Variants in RTN1 observed in about 807,000 individuals in gnomAD.
The protein encoded by RTN1 is reticulon-1.
In RTN1, 25 loss-of-function variants were observed where a neutral mutation model predicts 65.5. That is an observed-to-expected ratio of 0.38 (90% CI 0.28 to 0.53). The LOEUF is 0.53. Among genes scored for constraint, RTN1 ranks in the 20% least tolerant of loss-of-function variants. The pLI, the probability that RTN1 is intolerant of heterozygous loss-of-function variation, is 0.79. For synonymous variants in RTN1, 471 were observed against 447.6 expected (o/e 1.05, Z -0.66); for missense variants, 983 against 1,025.4 (o/e 0.96, Z 0.57).
At chr14:59,720,279 A>G (rs1159394395) in intron 3 of RTN1, among the ~76,000 whole-genome samples, 1 of 152,130 alleles carries the variant, frequency 6.6e-6, no homozygotes, top group Admixed American at 6.5e-5. Flanking sequence ...TCGATATGCA[A>G]TTGGAACACT....
Position 59,870,051 on chromosome 14 carries a change from C to G in RTN1, c.241+339G>C, listed in dbSNP as rs560847912. On this transcript the variant is annotated intron_variant, in intron 1 of 8. Coordinates refer to ENST00000267484, the MANE Select transcript of RTN1 (RefSeq NM_021136.3). This position sits in a 1 kb window ranked among gnomAD's most constrained non-coding sequence, Gnocchi z 5.1. ...AACCTGTCAAACGGGCCCTACAGCT[C>G]GGAGCCTCCTGGCAGGAGGGAGAAA... Among the ~76,000 whole-genome samples, 66 of 152,290 alleles carry G rather than the reference C, an allele frequency of 4.3e-4. No homozygotes were observed. The highest frequency in any genetic ancestry group is 1.8e-3 in the Admixed American group (28 of 15,304).
chr14:59,692,162 G>A (rs763165635), intron 3 of RTN1, among the ~76,000 whole-genome samples: 5 of 152,126 alleles, frequency 3.3e-5, no homozygotes, highest in Non-Finnish European at 5.9e-5. Context: ...TAGACAATAT[G>A]ATTCCATACC....
intron 3 of RTN1, among the ~76,000 whole-genome samples, chr14:59,661,718 A>C (rs1428946277): frequency 6.6e-6 from 1 of 152,094 alleles, no homozygotes; most frequent in African/African-American, 2.4e-5. Context: ...CATGCTAAAA[A>C]CTCTCAATAA....
intron 8 of RTN1, among the ~76,000 whole-genome samples, chr14:59,599,285 A>G (rs1365331094): frequency 6.6e-6 from 1 of 152,148 alleles, no homozygotes; most frequent in Non-Finnish European, 1.5e-5. Flanking sequence ...ATTTCATTTT[A>G]TTGATTTCAA....
rs559027191 is a variant in RTN1 at position 59,779,323 on chromosome 14, T to C, written c.242-32842A>G. On this transcript the variant is annotated intron_variant, in intron 1 of 8. Coordinates refer to ENST00000267484, the MANE Select transcript of RTN1 (RefSeq NM_021136.3). ...AAGGGGAGAAAGAGGTTTGAGAAGG[T>C]AGAAAATAAATTCTATTAATATTTA... 3.4e-4 allele frequency among the ~76,000 whole-genome samples: 51 copies of C among 152,082 alleles called. 1 individual carries two copies. The South Asian group carries it at 0.011, about 32-fold the overall frequency.
chr14:59,808,927 C>T (rs1886682995), intron 1 of RTN1, among the ~76,000 whole-genome samples: 1 of 152,094 alleles, frequency 6.6e-6, no homozygotes, highest in Non-Finnish European at 1.5e-5. Flanking sequence ...CAGATACCAG[C>T]ATCATGCTTC....
chr14:59,818,446 A>C (rs547472763), intron 1 of RTN1, among the ~76,000 whole-genome samples: 22 of 152,330 alleles, frequency 1.4e-4, no homozygotes, highest in Middle Eastern at 3.4e-3. Context: ...CTTCAACTCT[A>C]TATCTCCAGC....
At chr14:59,617,617 T>G (rs1214390285) in intron 3 of RTN1, among the ~76,000 whole-genome samples, 1 of 152,220 alleles carries the variant, frequency 6.6e-6, no homozygotes, top group Non-Finnish European at 1.5e-5. Context: ...TTAGCTGTTC[T>G]TGAGGTTTTT....
At chr14:59,815,671 G>A (rs1886807203) in intron 1 of RTN1, among the ~76,000 whole-genome samples, 1 of 152,168 alleles carries the variant, frequency 6.6e-6, no homozygotes. Flanking sequence ...GGAACACAAA[G>A]GTGCCTGGCT....
intron 2 of RTN1, among the ~76,000 whole-genome samples, chr14:59,738,477 C>G (rs1482063524): frequency 1.3e-5 from 2 of 152,042 alleles, no homozygotes; most frequent in South Asian, 2.1e-4. Flanking sequence ...ATCAGAATGG[C>G]TATTACCAAA....
At chr14:59,694,371 T>C (rs1035781371) in intron 3 of RTN1, among the ~76,000 whole-genome samples, 13 of 152,166 alleles carry the variant, frequency 8.5e-5, no homozygotes, top group Admixed American at 1.3e-4. Context: ...GCATAAATAA[T>C]TGACAAACAC....
At chr14:59,614,099 TC>T (rs1385852066) in intron 3 of RTN1, among the ~76,000 whole-genome samples, 1 of 152,130 alleles carries the variant, frequency 6.6e-6, no homozygotes, top group Admixed American at 6.5e-5. Flanking sequence ...GAGATGAGAC[TC>T]CCAGGAGAGA....
chr14:59,630,791 C>G, intron 3 of RTN1: 4 of 1,045,936 alleles, frequency 3.8e-6, no homozygotes, highest in Non-Finnish European at 4.6e-6. Context: ...AGGGTGCTAC[C>G]CTGGAGACGG....
chr14:59,601,152 T>TAAAA (rs1881566141), intron 8 of RTN1, among the ~76,000 whole-genome samples: 1 of 152,202 alleles, frequency 6.6e-6, no homozygotes. Context: ...TTCCAGTTGA[T>TAAAA]CTTTCGACTC....
At chr14:59,867,909 C>T (rs982766228) in intron 1 of RTN1, among the ~76,000 whole-genome samples, 1 of 152,182 alleles carries the variant, frequency 6.6e-6, no homozygotes, top group Non-Finnish European at 1.5e-5. Flanking sequence ...AGGAAGCAGA[C>T]CCTGACCAGA....
chr14:59,653,767 G>C (rs1883065079), intron 3 of RTN1, among the ~76,000 whole-genome samples: 1 of 151,648 alleles, frequency 6.6e-6, no homozygotes, highest in Admixed American at 6.6e-5. Context: ...AAACAAAAAT[G>C]GACAGAATTA....
At chr14:59,837,931 G>A (rs1024752098) in intron 1 of RTN1, among the ~76,000 whole-genome samples, 2 of 151,944 alleles carry the variant, frequency 1.3e-5, no homozygotes, top group South Asian at 4.2e-4. Flanking sequence ...GGGGGGTTTG[G>A]GGTCTTTTTA....
At chr14:59,603,312 G>GTATT in intron 6 of RTN1, 54 bp from the exon 7 acceptor site, 1 of 1,325,462 alleles carries the variant, frequency 7.5e-7, no homozygotes, top group Non-Finnish European at 1.1e-6. Context: ...ATAAGAATAC[G>GTATT]CTTATAGACA....
At chr14:59,838,419 T>C (rs542691933) in intron 1 of RTN1, among the ~76,000 whole-genome samples, 1 of 152,312 alleles carries the variant, frequency 6.6e-6, no homozygotes, top group East Asian at 1.9e-4. Context: ...TATAGGAATG[T>C]TCAGTATCAG....
Sources: allele counts gnomAD v4.1 joint callset (sites outside exome capture counted in the v4.1 genomes callset), GRCh38; gene constraint gnomAD v4.1.1; non-coding constraint Gnocchi (gnomAD v3.1); transcripts MANE v1.5; gene names NCBI Gene and HGNC (gene_info 2026-07-23, HGNC 2026-07-21).